Variants in CSMD1 observed in about 807,000 individuals in gnomAD.
CSMD1 encodes the protein CUB and sushi domain-containing protein 1.
Under a neutral mutation model 417.5 loss-of-function variants are expected in CSMD1, and 213 were observed. That is an observed-to-expected ratio of 0.51 (90% CI 0.46 to 0.57). The LOEUF is 0.57. CSMD1 is among the 20% of genes least tolerant of loss of function. The pLI is 0.00. For synonymous variants in CSMD1, 2,862 were observed against 1,736.8 expected (o/e 1.65, Z -16.11); for missense variants, 6,923 against 4,529.7 (o/e 1.53, Z -15.17).
At chr8:3,137,048 G>A (rs1258505354) in intron 41 of CSMD1, among the ~76,000 whole-genome samples, 1 of 152,006 alleles carries the variant, frequency 6.6e-6, no homozygotes, top group Non-Finnish European at 1.5e-5. Context: ...TCAGATCTGG[G>A]TAATTACTAC....
At chr8:4,431,617 A>C (rs2128947344) in intron 2 of CSMD1, among the ~76,000 whole-genome samples, 1 of 152,266 alleles carries the variant, frequency 6.6e-6, no homozygotes, top group South Asian at 2.1e-4. Context: ...CCAAAACCAA[A>C]ACGAAAAACA....
chr8:3,967,562 A>G (rs1297283051), intron 5 of CSMD1, among the ~76,000 whole-genome samples: 3 of 152,144 alleles, frequency 2.0e-5, no homozygotes, highest in African/African-American at 7.2e-5. Flanking sequence ...AGTTCAGCAA[A>G]TATCACCAGC....
intron 1 of CSMD1, among the ~76,000 whole-genome samples, chr8:4,802,403 G>A (rs1451949024): frequency 6.6e-6 from 1 of 151,534 alleles, no homozygotes; most frequent in African/African-American, 2.4e-5. Flanking sequence ...GCATCCCCGT[G>A]GTTAACTTAA....
chr8:3,895,061 C>A (rs1252395586), intron 5 of CSMD1, among the ~76,000 whole-genome samples: 1 of 152,166 alleles, frequency 6.6e-6, no homozygotes, highest in Non-Finnish European at 1.5e-5. Context: ...AGGTGGAGTA[C>A]AGCCAGTGGT....
chr8:3,531,940 C>T (rs1453133511), intron 10 of CSMD1, among the ~76,000 whole-genome samples: 1 of 152,174 alleles, frequency 6.6e-6, no homozygotes, highest in Non-Finnish European at 1.5e-5. Flanking sequence ...GTAGCTTAGG[C>T]TGAGGACCCA....
rs191832205 is a variant in CSMD1 at position 4,870,536 on chromosome 8, A to G, written c.85+123796T>C. On this transcript the variant is annotated intron_variant, in intron 1 of 69. Coordinates refer to ENST00000635120, the MANE Select transcript of CSMD1 (RefSeq NM_033225.6). ...CAACTTGGCCAAGGAGTCTGCATAC[A>G]TTCCTCTTCTCGTGTGTCAGTCTCA... Among the ~76,000 whole-genome samples, 144 of 152,210 alleles carry G rather than the reference A, an allele frequency of 9.5e-4. 6 individuals carry two copies. Among genetic ancestry groups the G allele is most frequent in the Admixed American group, 6.0e-3 (92 of 15,292 alleles).
intron 1 of CSMD1, among the ~76,000 whole-genome samples, chr8:4,734,988 G>C (rs746681796): frequency 2.6e-5 from 4 of 152,206 alleles, no homozygotes; most frequent in Non-Finnish European, 4.4e-5. Flanking sequence ...GATGTTATAA[G>C]ATGTTGCTGA....
chr8:4,663,924 G>A (rs1804761851), intron 1 of CSMD1, among the ~76,000 whole-genome samples: 1 of 152,152 alleles, frequency 6.6e-6, no homozygotes, highest in Non-Finnish European at 1.5e-5. Context: ...ATCTGACGAT[G>A]GCTCCACTGG....
intron 50 of CSMD1, among the ~76,000 whole-genome samples, chr8:3,035,145 T>C (rs563545271): frequency 1.4e-4 from 22 of 152,262 alleles, no homozygotes; most frequent in South Asian, 4.2e-4. Context: ...AACAAAAATA[T>C]CTTAGCTAGA....
At chr8:3,402,693 T>A (rs926865751) in intron 15 of CSMD1, among the ~76,000 whole-genome samples, 1 of 152,200 alleles carries the variant, frequency 6.6e-6, no homozygotes, top group African/African-American at 2.4e-5. Context: ...TTACCAAATA[T>A]CTATAACATT....
Position 4,564,213 on chromosome 8 carries a change from C to T in CSMD1, c.302+73129G>A, listed in dbSNP as rs186569008. Among the ~76,000 whole-genome samples, 10 of 152,296 alleles carry T rather than the reference C, an allele frequency of 6.6e-5. No individual in the cohort carries two copies. The East Asian group carries it at 1.5e-3, about 24-fold the overall frequency. ...AAATATTTTTCTTCACTTCCTTCCCCTGGACATGCACAAGGAAAACAAGCA... is the reference window on the plus strand; with the variant it reads ...AAATATTTTTCTTCACTTCCTTCCCTTGGACATGCACAAGGAAAACAAGCA... On this transcript the variant is annotated intron_variant, in intron 2 of 69. Transcript: ENST00000635120.
At chr8:3,949,008 A>T (rs1811427463) in intron 5 of CSMD1, among the ~76,000 whole-genome samples, 1 of 152,222 alleles carries the variant, frequency 6.6e-6, no homozygotes, top group African/African-American at 2.4e-5. Flanking sequence ...ATTAAAATGT[A>T]TTAAATCTGA....
chr8:4,507,561 G>A (rs549761725), intron 2 of CSMD1, among the ~76,000 whole-genome samples: 28 of 152,250 alleles, frequency 1.8e-4, no homozygotes, highest in African/African-American at 6.3e-4. Flanking sequence ...TCTTATGCAT[G>A]GACATGCATG....
At chr8:4,341,792 C>T (rs1800493002) in intron 3 of CSMD1, among the ~76,000 whole-genome samples, 1 of 152,012 alleles carries the variant, frequency 6.6e-6, no homozygotes, top group African/African-American at 2.4e-5. Context: ...TTTCAGTGCC[C>T]ATTAATTTGT....
chr8:4,198,098 G>C lies in CSMD1; in HGVS notation c.416-165999C>G, dbSNP rs118011381. On this transcript the variant is annotated intron_variant, in intron 3 of 69. Coordinates refer to ENST00000635120, the MANE Select transcript of CSMD1 (RefSeq NM_033225.6). ...AAGCGAGGGAAGTCTGGGAGTCTGA[G>C]TTAAGGTAAGTTTTACGGGAGAAGG... 5.9e-4 allele frequency among the ~76,000 whole-genome samples: 90 copies of C among 152,358 alleles called. No individual in the cohort carries two copies. In the East Asian group the frequency reaches 6.0e-3, roughly 10 times the overall value.
At chr8:3,929,965 C>G (rs1412901302) in intron 5 of CSMD1, among the ~76,000 whole-genome samples, 1 of 150,194 alleles carries the variant, frequency 6.7e-6, no homozygotes, top group African/African-American at 2.5e-5. Flanking sequence ...CTGTGCACAG[C>G]CTATATGATT....
intron 5 of CSMD1, among the ~76,000 whole-genome samples, chr8:3,909,370 A>G (rs1808307239): frequency 6.6e-6 from 1 of 152,122 alleles, no homozygotes; most frequent in Non-Finnish European, 1.5e-5. Context: ...CACATTCGTC[A>G]GGAGGAACCC....
chr8:3,625,788 G>C (rs1484102807), intron 7 of CSMD1, among the ~76,000 whole-genome samples: 1 of 151,950 alleles, frequency 6.6e-6, no homozygotes, highest in Non-Finnish European at 1.5e-5. Context: ...GATTCTTACA[G>C]TCTTTATTTA....
chr8:4,245,705 T>C (rs1013745634), intron 3 of CSMD1, among the ~76,000 whole-genome samples: 2 of 152,052 alleles, frequency 1.3e-5, no homozygotes, highest in Non-Finnish European at 2.9e-5. Flanking sequence ...GTGAGGTAAT[T>C]TTTTCAAGTG....
Sources: allele counts gnomAD v4.1 joint callset (sites outside exome capture counted in the v4.1 genomes callset), GRCh38; gene constraint gnomAD v4.1.1; transcripts MANE v1.5; gene names NCBI Gene and HGNC (gene_info 2026-07-23, HGNC 2026-07-21).